FAM168A: variants seen among roughly 807,000 people sequenced by gnomAD.
The protein encoded by FAM168A is protein FAM168A.
A neutral mutation model predicts 28.5 loss-of-function variants in FAM168A; 3 were observed. The ratio of observed to expected loss-of-function variants is 0.11; its 90% confidence interval spans 0.05 to 0.27. The LOEUF (loss-of-function observed/expected upper bound fraction) is 0.27, where lower values mean the gene tolerates loss of function less well. FAM168A is among the 10% of genes least tolerant of loss of function. The probability of loss-of-function intolerance (pLI) is 1.00; values close to 1 mark genes in which losing one functional copy is unlikely to be tolerated. For missense variants in FAM168A, 222 were observed against 311.5 expected (o/e 0.71, Z 2.16); for synonymous variants, 122 against 124.2 (o/e 0.98, Z 0.12).
intron 1 of FAM168A, among the ~76,000 whole-genome samples, chr11:73,543,834 G>A (rs1330624249): frequency 6.6e-6 from 1 of 152,116 alleles, no homozygotes; most frequent in Non-Finnish European, 1.5e-5. Context: ...AAGCTAGGTA[G>A]TAAAGCACAA....
At chr11:73,461,171 CAATGGT>C (rs1867640765) in intron 2 of FAM168A, among the ~76,000 whole-genome samples, 1 of 152,040 alleles carries the variant, frequency 6.6e-6, no homozygotes, top group Non-Finnish European at 1.5e-5. Context: ...GGCTGGGGTG[CAATGGT>C]ACAAGCATGG....
chr11:73,462,718 A>T (rs775046489), intron 2 of FAM168A, among the ~76,000 whole-genome samples: 35 of 152,088 alleles, frequency 2.3e-4, no homozygotes, highest in Non-Finnish European at 3.8e-4. Flanking sequence ...TCTACCAAAA[A>T]TACAAAAAGT....
chr11:73,558,369 T>G (rs1372207878), intron 1 of FAM168A, among the ~76,000 whole-genome samples: 2 of 150,866 alleles, frequency 1.3e-5, no homozygotes, highest in African/African-American at 4.9e-5. Context: ...CTTAGGAGTC[T>G]GAGACTGGAG....
At chr11:73,511,387 C>T (rs534040526) in intron 1 of FAM168A, among the ~76,000 whole-genome samples, 1 of 152,134 alleles carries the variant, frequency 6.6e-6, no homozygotes, top group Admixed American at 6.5e-5. Flanking sequence ...CAGGCACCGG[C>T]CACTACGCCC....
intron 2 of FAM168A, among the ~76,000 whole-genome samples, chr11:73,460,253 C>T (rs1316410737): frequency 2.6e-5 from 4 of 152,152 alleles, no homozygotes; most frequent in Admixed American, 2.6e-4. Context: ...CCCAGACTCT[C>T]CTTGCCATAT....
chr11:73,541,264 A>T (rs575126326), intron 1 of FAM168A, among the ~76,000 whole-genome samples: 18 of 150,232 alleles, frequency 1.2e-4, no homozygotes, highest in Non-Finnish European at 2.1e-4. Flanking sequence ...TAGTGTAAAA[A>T]GGTAGTTGCT....
intron 2 of FAM168A, among the ~76,000 whole-genome samples, chr11:73,464,331 G>A (rs1242213870): frequency 1.3e-5 from 2 of 149,104 alleles, no homozygotes; most frequent in African/African-American, 5.0e-5. Context: ...CTGGGGGTGG[G>A]GGGGAAAACA....
chr11:73,510,561 C>CAT, intron 1 of FAM168A: 1 of 227,496 alleles, frequency 4.4e-6, no homozygotes, highest in East Asian at 8.0e-5. Context: ...CTTTCTTCCT[C>CAT]TGTAAAATGA....
intron 1 of FAM168A, among the ~76,000 whole-genome samples, chr11:73,584,205 C>T (rs1228208245): frequency 1.3e-5 from 2 of 151,702 alleles, no homozygotes; most frequent in African/African-American, 2.4e-5. Flanking sequence ...CATTGTCTCA[C>T]TCTGTCACCC....
chr11:73,572,626 T>C (rs1356017198), intron 1 of FAM168A, among the ~76,000 whole-genome samples: 4 of 149,928 alleles, frequency 2.7e-5, no homozygotes, highest in Admixed American at 6.7e-5. Flanking sequence ...CAGGGTTAAA[T>C]GGATTAAGGG....
At chr11:73,477,494 T>A (rs1048047046) in intron 1 of FAM168A, among the ~76,000 whole-genome samples, 3 of 150,916 alleles carry the variant, frequency 2.0e-5, no homozygotes, top group Non-Finnish European at 3.0e-5. Context: ...ATCCAAGAAA[T>A]ACAATCAACT....
intron 1 of FAM168A, among the ~76,000 whole-genome samples, chr11:73,596,969 C>A (rs747201700): frequency 1.3e-5 from 2 of 152,142 alleles, no homozygotes; most frequent in Non-Finnish European, 2.9e-5. Context: ...ACCCCTGCCG[C>A]TATCCTTTCA....
intron 1 of FAM168A, among the ~76,000 whole-genome samples, chr11:73,498,661 GCTGTGTTTTT>G (rs1854942235): frequency 6.6e-6 from 1 of 152,190 alleles, no homozygotes; most frequent in Non-Finnish European, 1.5e-5. Flanking sequence ...ATAGCTCCAG[GCTGTGTTTTT>G]CCCCTGCTGG....
rs1866405168 is a variant in FAM168A at position 73,401,329 on chromosome 11, A to C, written c.*5434T>G. The C allele has an allele frequency of 6.6e-6, 1 of 152,164 alleles. No individual in the cohort carries two copies. Among genetic ancestry groups the C allele is most frequent in the Admixed American group, 6.6e-5 (1 of 15,264 alleles). The allele number at this position is 152,164 out of a possible 1,614,324, so 9.4% of individuals were successfully genotyped here. On this transcript the variant is annotated 3_prime_UTR_variant, in exon 8 of 8. Coordinates refer to ENST00000356467, the MANE Select transcript of FAM168A (RefSeq NM_015159.3). Reference sequence around the variant, plus strand: ...ATGGGGACAGGCCCTTGGGCCTTTCAAGATTATTACAGACAACTCCAAGTA... The same window carrying C: ...ATGGGGACAGGCCCTTGGGCCTTTCCAGATTATTACAGACAACTCCAAGTA...
At chr11:73,580,808 C>T (rs139363577) in intron 1 of FAM168A, among the ~76,000 whole-genome samples, 242 of 152,278 alleles carry the variant, frequency 1.6e-3, no homozygotes, top group African/African-American at 5.6e-3. Context: ...CACATGGCCA[C>T]CTTGGCACAA....
intron 1 of FAM168A, among the ~76,000 whole-genome samples, chr11:73,556,760 T>C (rs1172752314): frequency 6.6e-6 from 1 of 151,892 alleles, no homozygotes; most frequent in Non-Finnish European, 1.5e-5. Flanking sequence ...GTGGCTCACG[T>C]TGGTAATCCC....
At chr11:73,425,140 T>A in intron 3 of FAM168A, 1 of 857,926 alleles carries the variant, frequency 1.2e-6, no homozygotes, top group East Asian at 2.9e-5. Flanking sequence ...TGTTTTGCAA[T>A]AGCAGTTTCC....
chr11:73,553,232 G>T (rs186545312), intron 1 of FAM168A, among the ~76,000 whole-genome samples: 1 of 151,698 alleles, frequency 6.6e-6, no homozygotes, highest in African/African-American at 2.4e-5. Context: ...TTTTTTCAAC[G>T]AGACCTTAAT....
intron 1 of FAM168A, among the ~76,000 whole-genome samples, chr11:73,495,701 C>A (rs1854860743): frequency 6.6e-6 from 1 of 152,170 alleles, no homozygotes; most frequent in Non-Finnish European, 1.5e-5. Context: ...CAGAGAAACA[C>A]AACTTAAAAC....
Sources: allele counts gnomAD v4.1 joint callset (sites outside exome capture counted in the v4.1 genomes callset), GRCh38; gene constraint gnomAD v4.1.1; transcripts MANE v1.5; gene names NCBI Gene and HGNC (gene_info 2026-07-23, HGNC 2026-07-21).